Variants in CYRIA observed in about 807,000 individuals in gnomAD.
CYRIA encodes CYFIP related Rac1 interactor A.
CYRIA carries 15 observed loss-of-function variants against 43.9 expected under a neutral mutation model. The observed-to-expected ratio is 0.34, with a 90% CI of 0.23 to 0.53. The LOEUF is 0.53. Among genes scored for constraint, CYRIA ranks in the 20% least tolerant of loss-of-function variants. The pLI is 0.94. For synonymous variants in CYRIA, 117 were observed against 136.0 expected (o/e 0.86, Z 0.97); for missense variants, 236 against 394.2 (o/e 0.60, Z 3.40).
chr2:16,638,261 T>C (rs1192002923), intron 1 of CYRIA, among the ~76,000 whole-genome samples: 2 of 152,228 alleles, frequency 1.3e-5, no homozygotes, highest in African/African-American at 4.8e-5. Context: ...CAAGGTATGG[T>C]ACCTCCATCT....
At chr2:16,589,750 T>C (rs1460631386) in intron 2 of CYRIA, among the ~76,000 whole-genome samples, 2 of 152,212 alleles carry the variant, frequency 1.3e-5, no homozygotes, top group East Asian at 1.9e-4. Flanking sequence ...ATCATGATTA[T>C]GCTAACAGCC....
Position 16,611,722 on chromosome 2 carries a change from G to A in CYRIA, c.-11+12142C>T, listed in dbSNP as rs115464642. 5.8e-3 allele frequency among the ~76,000 whole-genome samples: 868 copies of A among 150,606 alleles called. 11 individuals are homozygous for A. The highest frequency in any genetic ancestry group is 0.02 in the African/African-American group (814 of 41,128). On this transcript the variant is annotated intron_variant, in intron 2 of 11. Coordinates refer to ENST00000381323, the MANE Select transcript of CYRIA (RefSeq NM_030797.4). ...TGAGGTGTGAAGAAAGGAGCCCAAC[G>A]TCCTTCACTTTGGGATCTGCTGAGA...
In CYRIA at chr2:16,619,361, C is replaced by G. The variant is rs147501478; in HGVS notation, c.-11+4503G>C. ...TACATACACACGTACATAAAACCCT[C>G]TGTGTGTGTGTGCATATATAGATAT... On this transcript the variant is annotated intron_variant, in intron 2 of 11. Transcript: ENST00000381323. Among the ~76,000 whole-genome samples the G allele has an allele frequency of 3.5e-3, 539 of 152,168 alleles. 4 individuals are homozygous for G. The highest frequency in any genetic ancestry group is 0.013 in the African/African-American group (525 of 41,490).
chr2:16,652,718 T>C (rs899874512), intron 1 of CYRIA, among the ~76,000 whole-genome samples: 3 of 152,170 alleles, frequency 2.0e-5, no homozygotes, highest in African/African-American at 7.2e-5. Context: ...GTTCCAGCCT[T>C]CGGTCAGTTT....
chr2:16,569,004 C>T (rs889965717), intron 3 of CYRIA, among the ~76,000 whole-genome samples: 1 of 152,094 alleles, frequency 6.6e-6, no homozygotes, highest in East Asian at 1.9e-4. Flanking sequence ...AAAATAGAGG[C>T]CTCTCTTAAC....
rs1553342776 is a variant in CYRIA, at chr2:16,601,725, A to AAG, written c.-10-13598_-10-13597dup. 3.0e-3 allele frequency among the ~76,000 whole-genome samples: 460 copies of AAG among 151,288 alleles called. 2 individuals are homozygous for AAG. Among genetic ancestry groups the AAG allele is most frequent in the African/African-American group, 0.01 (411 of 40,988 alleles). On this transcript the variant is annotated intron_variant, in intron 2 of 11. Coordinates refer to ENST00000381323, the MANE Select transcript of CYRIA (RefSeq NM_030797.4). ...ATTTCCAGTTTCAAAAAAAAAAAAAAAGAGAGAATTCATATATGCAGACAC... is the reference window on the plus strand; with the variant it reads ...ATTTCCAGTTTCAAAAAAAAAAAAAAAGAGAGAGAATTCATATATGCAGACAC...
At chr2:16,651,620 A>G (rs1222778868) in intron 1 of CYRIA, among the ~76,000 whole-genome samples, 1 of 152,204 alleles carries the variant, frequency 6.6e-6, no homozygotes, top group Admixed American at 6.5e-5. Flanking sequence ...TTGTTTTCAA[A>G]GCTTGTTGTC....
intron 9 of CYRIA, 115 bp from the exon 10 acceptor site, chr2:16,559,701 C>T (rs1451996956): frequency 3.5e-6 from 4 of 1,128,596 alleles, no homozygotes; most frequent in Non-Finnish European, 4.9e-6. Flanking sequence ...CAATCCCAGA[C>T]CTGCAACAAC....
intron 3 of CYRIA, among the ~76,000 whole-genome samples, chr2:16,585,081 C>T (rs1667677401): frequency 6.6e-6 from 1 of 152,124 alleles, no homozygotes; most frequent in African/African-American, 2.4e-5. Context: ...AGTACACTCA[C>T]AACCATATTC....
chr2:16,663,454 C>T (rs1028267217), intron 1 of CYRIA, among the ~76,000 whole-genome samples: 23 of 151,998 alleles, frequency 1.5e-4, no homozygotes, highest in African/African-American at 5.1e-4. Context: ...AAAAGAAGAG[C>T]GTGTACTGAA....
chr2:16,562,059 C>G lies in CYRIA; in HGVS notation c.381G>C (p.Leu127=), dbSNP rs769612268. The G allele has an allele frequency of 6.2e-7, 1 of 1,613,506 alleles. No individual in the cohort carries two copies. The highest frequency in any genetic ancestry group is 1.3e-5 in the African/African-American group (1 of 74,886). The change falls in exon 6 of 12, where the codon CTG becomes CTC. Residue 127 remains leucine, a synonymous_variant. Coordinates refer to ENST00000381323, the MANE Select transcript of CYRIA (RefSeq NM_030797.4). The part of the protein sequence containing the change: ...PTQHLEREQA[L]AKEFAEILHF... The stretch of plus-strand genomic sequence containing the variant: ...GTAAAATTTCGGCAAACTCCTTTGC[C>G]AGGGCCTGTTCCCTTTCCAGGTGTT...
At position 16,565,884 on chromosome 2, in the gene CYRIA, T is replaced by G. The variant is rs1457484186; in HGVS notation, c.71-117A>C. The stretch of plus-strand genomic sequence containing the variant: ...CTATCATATTCCTGCTGCTCTGGTA[T>G]TTACTCTTTAACCTAATAAGCTGCT... On this transcript the variant is annotated intron_variant, in intron 3 of 11. Transcript: ENST00000381323. The G allele has an allele frequency of 9.8e-6, 10 of 1,019,590 alleles. No homozygotes were observed. The South Asian group carries it at 1.6e-4, about 16-fold the overall frequency. 63.2% of individuals were successfully genotyped at this position (1,019,590 alleles called of 1,614,324 possible).
chr2:16,639,943 G>A (rs1239187576), intron 1 of CYRIA, among the ~76,000 whole-genome samples: 1 of 152,154 alleles, frequency 6.6e-6, no homozygotes, highest in Non-Finnish European at 1.5e-5. Flanking sequence ...TCCACCATAA[G>A]GGCTTCCCTT....
chr2:16,580,747 T>C (rs544511007), intron 3 of CYRIA, among the ~76,000 whole-genome samples: 1 of 152,326 alleles, frequency 6.6e-6, no homozygotes, highest in South Asian at 2.1e-4. Context: ...CTATTGTTTG[T>C]TATATTTGGT....
At position 16,576,692 on chromosome 2, in the gene CYRIA, C is replaced by T. The variant is rs975305322; in HGVS notation, c.71-10925G>A. On this transcript the variant is annotated intron_variant, in intron 3 of 11. Coordinates refer to ENST00000381323, the MANE Select transcript of CYRIA (RefSeq NM_030797.4). The stretch of plus-strand genomic sequence containing the variant: ...TGTAAACTTGCAGCTATTCACACCA[C>T]GACTAGCAGAAGCTTAGCACGTAGA... 5.3e-5 allele frequency among the ~76,000 whole-genome samples: 8 copies of T among 152,216 alleles called. No homozygotes were observed. In the East Asian group the frequency reaches 5.8e-4, roughly 11 times the overall value.
At position 16,650,578 on chromosome 2, in the gene CYRIA, A is replaced by G. The variant is rs536749256; in HGVS notation, c.-167+15202T>C. Among the ~76,000 whole-genome samples the G allele has an allele frequency of 5.3e-5, 8 of 152,172 alleles. No individual in the cohort carries two copies. The highest frequency in any genetic ancestry group is 1.2e-4 in the Non-Finnish European group (8 of 68,028). On this transcript the variant is annotated intron_variant, in intron 1 of 11. Coordinates refer to ENST00000381323, the MANE Select transcript of CYRIA (RefSeq NM_030797.4). This position sits in a 1 kb window ranked among gnomAD's most constrained non-coding sequence, Gnocchi z 4.1. The stretch of plus-strand genomic sequence containing the variant: ...ATGGGCTGGCAGCCCCAGCTCTCAC[A>G]CTCAGAGGCTCCACAAAGCAACCCT...
At chr2:16,584,410 G>T (rs1220929807) in intron 3 of CYRIA, among the ~76,000 whole-genome samples, 1 of 152,138 alleles carries the variant, frequency 6.6e-6, no homozygotes, top group Non-Finnish European at 1.5e-5. Context: ...CTGCCTCCAG[G>T]AATCTCAGTT....
intron 2 of CYRIA, among the ~76,000 whole-genome samples, chr2:16,607,455 C>G (rs1572500924): frequency 6.6e-6 from 1 of 152,186 alleles, no homozygotes; most frequent in East Asian, 1.9e-4. Flanking sequence ...AAATTTTTTA[C>G]TTGGTATGCA....
chr2:16,645,461 G>A (rs868844955), intron 1 of CYRIA, among the ~76,000 whole-genome samples: 6 of 152,266 alleles, frequency 3.9e-5, no homozygotes, highest in Middle Eastern at 6.8e-3. Flanking sequence ...GCAATGACAC[G>A]GCTAGTGCAG....
Sources: allele counts gnomAD v4.1 joint callset (sites outside exome capture counted in the v4.1 genomes callset), GRCh38; gene constraint gnomAD v4.1.1; non-coding constraint Gnocchi (gnomAD v3.1); transcripts MANE v1.5; gene names NCBI Gene and HGNC (gene_info 2026-07-23, HGNC 2026-07-21).